ARHGAP15: variants seen among roughly 807,000 people sequenced by gnomAD.
The protein encoded by ARHGAP15 is Rho GTPase activating protein 15.
In ARHGAP15, 51 loss-of-function variants were observed where a neutral mutation model predicts 63.7. That is an observed-to-expected ratio of 0.80 (90% CI 0.64 to 1.01). The LOEUF (loss-of-function observed/expected upper bound fraction) is 1.01. Among genes scored for constraint, ARHGAP15 ranks in the 50% least tolerant of loss-of-function variants. The probability of loss-of-function intolerance (pLI) is 0.00; values close to 1 mark genes in which losing one functional copy is unlikely to be tolerated. For missense variants in ARHGAP15, 560 were observed against 564.6 expected, an observed-to-expected ratio of 0.99 and a Z score of 0.08; for synonymous variants, 191 against 193.8, an observed-to-expected ratio of 0.99 and a Z score of 0.12.
chr2:143,253,544 T>C (rs1680267264), intron 6 of ARHGAP15, among the ~76,000 whole-genome samples: 1 of 152,110 alleles, frequency 6.6e-6, no homozygotes, highest in Admixed American at 6.6e-5. Flanking sequence ...TATTAAGTTT[T>C]GGTATTCAAC....
intron 6 of ARHGAP15, among the ~76,000 whole-genome samples, chr2:143,398,252 G>A (rs1030218826): frequency 2.6e-5 from 4 of 152,100 alleles, no homozygotes; most frequent in Non-Finnish European, 4.4e-5. Flanking sequence ...AATGTCAATT[G>A]CCATAAACTC....
intron 6 of ARHGAP15, among the ~76,000 whole-genome samples, chr2:143,379,282 AGT>A (rs1686949641): frequency 6.6e-6 from 1 of 151,964 alleles, no homozygotes; most frequent in Non-Finnish European, 1.5e-5. Context: ...GTTGCTGATC[AGT>A]GCTTGAATTC....
intron 12 of ARHGAP15, among the ~76,000 whole-genome samples, chr2:143,646,974 CTT>C (rs1680909355): frequency 6.6e-6 from 1 of 151,972 alleles, no homozygotes; most frequent in Admixed American, 6.6e-5. Flanking sequence ...CCCACATACT[CTT>C]TTGCTTTTTT....
chr2:143,324,554 A>T (rs1355996816), intron 6 of ARHGAP15, among the ~76,000 whole-genome samples: 1 of 152,230 alleles, frequency 6.6e-6, no homozygotes, highest in Non-Finnish European at 1.5e-5. Flanking sequence ...GTTCAAATTT[A>T]AGCATTCACT....
intron 13 of ARHGAP15, among the ~76,000 whole-genome samples, chr2:143,707,050 G>T (rs1263423637): frequency 5.3e-5 from 8 of 152,220 alleles, no homozygotes; most frequent in Non-Finnish European, 1.2e-4. Context: ...TTGAGAGCCA[G>T]TAAAGGGGTT....
chr2:143,435,316 C>G (rs1689561628), intron 6 of ARHGAP15: 1 of 1,070,000 alleles, frequency 9.3e-7, no homozygotes, highest in Admixed American at 5.5e-5. Context: ...GTTCTCTGAA[C>G]TTCCTGGCTT....
intron 11 of ARHGAP15, among the ~76,000 whole-genome samples, chr2:143,568,203 C>T (rs1343944936): frequency 6.6e-6 from 1 of 152,088 alleles, no homozygotes; most frequent in African/African-American, 2.4e-5. Flanking sequence ...TTCTGCACAG[C>T]AAAAGAAACT....
chr2:143,330,132 CCA>C (rs1377253237), intron 6 of ARHGAP15, among the ~76,000 whole-genome samples: 1 of 48,932 alleles, frequency 2.0e-5, no homozygotes, highest in African/African-American at 6.3e-5. Context: ...AAAAAAAAAA[CCA>C]AAAACAAAAA....
intron 1 of ARHGAP15, among the ~76,000 whole-genome samples, chr2:143,142,644 G>T (rs79981239): frequency 6.6e-6 from 1 of 152,092 alleles, no homozygotes; most frequent in Non-Finnish European, 1.5e-5. Flanking sequence ...TTGTAAGGGA[G>T]ATGAAAGAGA....
chr2:143,285,523 G>GA (rs1289938944), intron 6 of ARHGAP15, among the ~76,000 whole-genome samples: 7 of 152,130 alleles, frequency 4.6e-5, no homozygotes, highest in Non-Finnish European at 1.0e-4. Context: ...GCATAAAGAT[G>GA]AAAAATGCAT....
chr2:143,736,642 G>T (rs1259603437), intron 13 of ARHGAP15, among the ~76,000 whole-genome samples: 1 of 152,122 alleles, frequency 6.6e-6, no homozygotes, highest in Non-Finnish European at 1.5e-5. Context: ...TATATATTAG[G>T]TGTCCAGCAT....
At chr2:143,726,535 G>T (rs1685287788) in intron 13 of ARHGAP15, among the ~76,000 whole-genome samples, 1 of 152,168 alleles carries the variant, frequency 6.6e-6, no homozygotes, top group Admixed American at 6.5e-5. Context: ...GTGGTCCAAG[G>T]TTTTGCTTTA....
At chr2:143,747,629 T>C (rs1712957) in intron 13 of ARHGAP15, among the ~76,000 whole-genome samples, 72,418 of 152,006 alleles carry the variant, frequency 0.48, 18,178 homozygotes, top group Non-Finnish European at 0.57. Context: ...TGGAATCATA[T>C]AGTATACAGC....
At chr2:143,355,824 C>CTAA (rs1331881923) in intron 6 of ARHGAP15, among the ~76,000 whole-genome samples, 5 of 152,230 alleles carry the variant, frequency 3.3e-5, no homozygotes, top group Non-Finnish European at 7.4e-5. Context: ...ATGTTAACAG[C>CTAA]TAATGCCATT....
At chr2:143,139,272 G>A (rs1009057463) in intron 1 of ARHGAP15, among the ~76,000 whole-genome samples, 1 of 152,000 alleles carries the variant, frequency 6.6e-6, no homozygotes, top group Non-Finnish European at 1.5e-5. Context: ...ATATTATTAA[G>A]GGACATGATA....
chr2:143,552,460 A>G (rs539160729), intron 10 of ARHGAP15, among the ~76,000 whole-genome samples: 1 of 152,190 alleles, frequency 6.6e-6, no homozygotes, highest in East Asian at 1.9e-4. Context: ...GGAATTACTC[A>G]TAACAGCTGC....
intron 12 of ARHGAP15, among the ~76,000 whole-genome samples, chr2:143,657,178 C>A (rs991893507): frequency 1.3e-5 from 2 of 152,086 alleles, no homozygotes; most frequent in African/African-American, 4.8e-5. Flanking sequence ...AACCCCCTCT[C>A]TACTAAAAAT....
intron 6 of ARHGAP15, among the ~76,000 whole-genome samples, chr2:143,346,694 C>T (rs1247230934): frequency 3.3e-5 from 5 of 151,992 alleles, no homozygotes; most frequent in Non-Finnish European, 7.4e-5. Flanking sequence ...GAATTTGTAC[C>T]TCTTTGCAAA....
intron 9 of ARHGAP15, among the ~76,000 whole-genome samples, chr2:143,489,493 G>T (rs532474981): frequency 9.2e-5 from 14 of 152,042 alleles, no homozygotes; most frequent in Non-Finnish European, 1.3e-4. Flanking sequence ...TCTTGGGCTT[G>T]TTTCAGTTTT....
Sources: gnomAD v4.1 joint callset for allele counts (sites outside exome capture counted in the v4.1 genomes callset) on GRCh38, gnomAD v4.1.1 for gene constraint, MANE v1.5 for transcripts, NCBI Gene and HGNC (gene_info 2026-07-23, HGNC 2026-07-21) for gene names.